Variants in TBC1D5 observed in about 807,000 individuals in gnomAD.
TBC1D5 encodes TBC1 domain family, member 5.
In TBC1D5, 75 loss-of-function variants were observed where a neutral mutation model predicts 100.3. The ratio of observed to expected loss-of-function variants is 0.75; its 90% CI spans 0.62 to 0.91. The LOEUF is 0.91. TBC1D5 is among the 40% of genes least tolerant of loss of function. TBC1D5 has a pLI of 0.00. For synonymous variants in TBC1D5, 323 were observed against 325.6 expected (o/e 0.99, Z 0.09); for missense variants, 910 against 942.4 (o/e 0.97, Z 0.45).
At chr3:17,568,094 G>A (rs1327983909) in intron 2 of TBC1D5, among the ~76,000 whole-genome samples, 8 of 151,472 alleles carry the variant, frequency 5.3e-5, no homozygotes, top group Non-Finnish European at 1.2e-4. Context: ...AACGTAAAAG[G>A]TGAACACCCT....
intron 4 of TBC1D5, among the ~76,000 whole-genome samples, chr3:17,421,797 A>G (rs1409766374): frequency 6.6e-6 from 1 of 152,228 alleles, no homozygotes; most frequent in Non-Finnish European, 1.5e-5. Flanking sequence ...GCTAAGATCT[A>G]GACTTTAGTT....
intron 2 of TBC1D5, among the ~76,000 whole-genome samples, chr3:17,613,656 A>G (rs2061874231): frequency 6.6e-6 from 1 of 152,050 alleles, no homozygotes. Context: ...GTATTTTTTC[A>G]TGTTTCTGTT....
intron 2 of TBC1D5, among the ~76,000 whole-genome samples, chr3:17,613,770 T>C (rs2061883751): frequency 6.6e-6 from 1 of 152,252 alleles, no homozygotes; most frequent in Non-Finnish European, 1.5e-5. Context: ...AAGTTCTTTG[T>C]AGATTCTGGA....
intron 13 of TBC1D5, among the ~76,000 whole-genome samples, chr3:17,364,707 C>T (rs146167000): frequency 3.4e-4 from 52 of 152,206 alleles, no homozygotes; most frequent in African/African-American, 4.8e-4. Flanking sequence ...CCATAACTAA[C>T]GTTTGATAGC....
intron 1 of TBC1D5, among the ~76,000 whole-genome samples, chr3:17,729,461 A>G (rs754922337): frequency 5.3e-5 from 8 of 152,148 alleles, no homozygotes; most frequent in Non-Finnish European, 1.2e-4. Context: ...TAATCTCAGC[A>G]CTTTGGGAGG....
rs565520018 is a variant in TBC1D5, at chr3:17,508,244, C to T, written c.97+230G>A. On this transcript the variant is annotated intron_variant, in intron 3 of 21. Coordinates refer to ENST00000253692, the Ensembl canonical transcript of TBC1D5. Reference sequence around the variant, plus strand: ...CAGTTTATTATTTTATTTTAAAGAACGACAGTGCGTTAAACATTTGGCTAA... The same window carrying T: ...CAGTTTATTATTTTATTTTAAAGAATGACAGTGCGTTAAACATTTGGCTAA... Among the ~76,000 whole-genome samples the T allele has an allele frequency of 2.0e-5, 3 of 152,244 alleles. No homozygotes were observed. The East Asian group carries it at 5.8e-4, about 29-fold the overall frequency.
At chr3:17,300,063 A>T (rs1199936601) in intron 14 of TBC1D5, among the ~76,000 whole-genome samples, 1 of 152,136 alleles carries the variant, frequency 6.6e-6, no homozygotes, top group Non-Finnish European at 1.5e-5. Flanking sequence ...ACCCAAAATA[A>T]CAGACAATGT....
intron 10 of TBC1D5, among the ~76,000 whole-genome samples, chr3:17,376,225 C>A (rs1295626247): frequency 2.0e-5 from 3 of 152,004 alleles, no homozygotes; most frequent in Non-Finnish European, 4.4e-5. Context: ...TAATATCAAT[C>A]ATTAGCACTT....
intron 16 of TBC1D5, among the ~76,000 whole-genome samples, chr3:17,254,917 A>G (rs992018911): frequency 6.6e-6 from 1 of 152,190 alleles, no homozygotes; most frequent in African/African-American, 2.4e-5. Flanking sequence ...CATTGTGGGC[A>G]TAACAGGCAT....
At chr3:17,232,424 T>A (rs1000260120) in intron 17 of TBC1D5, among the ~76,000 whole-genome samples, 2 of 151,938 alleles carry the variant, frequency 1.3e-5, no homozygotes, top group African/African-American at 2.4e-5. Context: ...TCTCTCCATA[T>A]CAGATGATCA....
chr3:17,512,662 C>T (rs1362906842), intron 2 of TBC1D5, among the ~76,000 whole-genome samples: 1 of 152,148 alleles, frequency 6.6e-6, no homozygotes, highest in African/African-American at 2.4e-5. Context: ...AGTAATACAC[C>T]TTCCACGATC....
intron 15 of TBC1D5, among the ~76,000 whole-genome samples, chr3:17,286,849 A>G (rs890264631): frequency 5.3e-5 from 8 of 152,190 alleles, no homozygotes; most frequent in Admixed American, 2.6e-4. Context: ...AAGCTCTGTG[A>G]CCTTGAATAA....
chr3:17,205,255 T>C (rs978468893), intron 18 of TBC1D5, among the ~76,000 whole-genome samples: 3 of 152,226 alleles, frequency 2.0e-5, no homozygotes, highest in Non-Finnish European at 2.9e-5. Flanking sequence ...GAAAATCCTA[T>C]AATTAGATGA....
intron 2 of TBC1D5, among the ~76,000 whole-genome samples, chr3:17,533,740 C>G (rs2096256033): frequency 6.6e-6 from 1 of 150,662 alleles, no homozygotes; most frequent in Admixed American, 6.6e-5. Flanking sequence ...AACAATCGTT[C>G]TGGATTTGGG....
chr3:17,190,690 G>A (rs1156232441), intron 18 of TBC1D5, among the ~76,000 whole-genome samples: 1 of 152,200 alleles, frequency 6.6e-6, no homozygotes, highest in East Asian at 1.9e-4. Context: ...ACAGGCTGCA[G>A]TGGTGTTTCT....
At chr3:17,325,576 C>A (rs542279176) in intron 13 of TBC1D5, among the ~76,000 whole-genome samples, 1 of 152,126 alleles carries the variant, frequency 6.6e-6, no homozygotes, top group Non-Finnish European at 1.5e-5. Flanking sequence ...CCTGCCTTGG[C>A]CTCCCAAAGT....
chr3:17,246,708 C>A (rs981967370), intron 16 of TBC1D5, among the ~76,000 whole-genome samples: 1 of 152,164 alleles, frequency 6.6e-6, no homozygotes, highest in Non-Finnish European at 1.5e-5. Flanking sequence ...TGAACCTCAA[C>A]CTTTACCTCA....
chr3:17,364,863 A>C (rs748070005), intron 13 of TBC1D5, among the ~76,000 whole-genome samples: 10 of 152,194 alleles, frequency 6.6e-5, no homozygotes, highest in Non-Finnish European at 1.5e-4. Context: ...ATGAACACTG[A>C]TTGAGTGCTT....
intron 2 of TBC1D5, among the ~76,000 whole-genome samples, chr3:17,597,465 C>G (rs1175278241): frequency 2.0e-5 from 3 of 152,280 alleles, no homozygotes; most frequent in African/African-American, 7.2e-5. Flanking sequence ...ACCCCAGTAT[C>G]CATTTAGTCT....
Sources: allele counts gnomAD v4.1 joint callset (sites outside exome capture counted in the v4.1 genomes callset), GRCh38; gene constraint gnomAD v4.1.1; transcripts MANE v1.5; gene names NCBI Gene and HGNC (gene_info 2026-07-23, HGNC 2026-07-21).